Variants in CRACDL observed in about 807,000 individuals in gnomAD.
CRACDL encodes CRACD-like protein.
In CRACDL, 26 loss-of-function variants were observed where a neutral mutation model predicts 70.6. That is an observed-to-expected ratio of 0.37 (90% CI 0.27 to 0.51). The LOEUF is 0.51. Among genes scored for constraint, CRACDL ranks in the 20% least tolerant of loss-of-function variants. The pLI, the probability that CRACDL is intolerant of heterozygous loss-of-function variation, is 0.94. For synonymous variants in CRACDL, 618 were observed against 615.2 expected (o/e 1.00, Z -0.07); for missense variants, 1,283 against 1,376.9 (o/e 0.93, Z 1.08).
chr2:98,834,324 C>A (rs1705676741), intron 3 of CRACDL, among the ~76,000 whole-genome samples: 1 of 152,234 alleles, frequency 6.6e-6, no homozygotes, highest in Admixed American at 6.5e-5. Context: ...ACACCTAGTG[C>A]CCCTCAGTAG....
intron 1 of CRACDL, among the ~76,000 whole-genome samples, chr2:98,930,868 G>C (rs1709055899): frequency 1.3e-5 from 2 of 152,190 alleles, no homozygotes; most frequent in Admixed American, 6.5e-5. Flanking sequence ...AAGACAATAA[G>C]AGAGTAATAC....
At chr2:98,817,535 G>C (rs1704833473) in intron 7 of CRACDL, among the ~76,000 whole-genome samples, 1 of 152,060 alleles carries the variant, frequency 6.6e-6, no homozygotes, top group Admixed American at 6.6e-5. Context: ...TCAGAAAATG[G>C]CTGTGACATA....
At position 98,908,759 on chromosome 2, in the gene CRACDL, C is replaced by T. The variant is rs1050883502; in HGVS notation, c.-11+27179G>A. Among the ~76,000 whole-genome samples the T allele has an allele frequency of 5.3e-5, 8 of 152,294 alleles. No individual in the cohort carries two copies. In the East Asian group the frequency reaches 1.3e-3, roughly 26 times the overall value. On this transcript the variant is annotated intron_variant, in intron 1 of 9. Coordinates refer to ENST00000397899, the MANE Select transcript of CRACDL (RefSeq NM_207362.3). ...GGTGTTGCCTCCATCAGTGGTGCAACGACATTCAGAGTCTACCGAAGGCTG... is the reference window on the plus strand; with the variant it reads ...GGTGTTGCCTCCATCAGTGGTGCAATGACATTCAGAGTCTACCGAAGGCTG...
chr2:98,823,495 C>G lies in CRACDL; in HGVS notation c.778G>C (p.Glu260Gln). ...ESLSDLTCTPEEEENEEKPLL... is the reference protein window; with the variant it reads ...ESLSDLTCTPQEEENEEKPLL... ...GGCTTCTCCTCGTTTTCCTCCTCCT[C>G]TGGGGTGCACGTCAGGTCGCTCAGG... The change falls in exon 7 of 10, where the codon GAG (glutamate) becomes CAG (glutamine). Residue 260 changes from glutamate to glutamine, a missense_variant. By Grantham distance (29) the Glu-to-Gln change is conservative. Transcript: ENST00000397899. The surrounding 1 kb of genome is among the most constrained non-coding windows in gnomAD (Gnocchi z 4.0). 6.3e-7 allele frequency: 1 copy of G among 1,594,068 alleles called. No individual in the cohort carries two copies. Among genetic ancestry groups the G allele is most frequent in the Non-Finnish European group, 8.5e-7 (1 of 1,177,782 alleles).
intron 1 of CRACDL, among the ~76,000 whole-genome samples, chr2:98,873,624 G>A (rs1707407657): frequency 6.6e-6 from 1 of 152,222 alleles, no homozygotes; most frequent in African/African-American, 2.4e-5. Context: ...GCCCCTCTAA[G>A]AGGAACCCTC....
At chr2:98,871,467 G>A (rs530755991) in intron 1 of CRACDL, among the ~76,000 whole-genome samples, 2 of 152,286 alleles carry the variant, frequency 1.3e-5, no homozygotes, top group South Asian at 4.1e-4. Context: ...GATGACTGAG[G>A]CAGTCAGTGG....
At chr2:98,829,180 G>A (rs1018516743) in intron 5 of CRACDL, among the ~76,000 whole-genome samples, 2 of 152,248 alleles carry the variant, frequency 1.3e-5, no homozygotes, top group East Asian at 3.9e-4. Context: ...AGGCTCTGAA[G>A]GATGCACAGC....
Position 98,796,282 on chromosome 2 carries a change from A to T in CRACDL, c.2605-18T>A. The stretch of plus-strand genomic sequence containing the variant: ...ACAGGCTCCTGTTGGGACATAAGAC[A>T]CATGCTGCCAAGTTAACAATGATTC... On this transcript the variant is annotated intron_variant, in intron 8 of 9. Coordinates refer to ENST00000397899, the MANE Select transcript of CRACDL (RefSeq NM_207362.3). 6.2e-7 allele frequency: 1 copy of T among 1,607,976 alleles called. No homozygotes were observed. Among genetic ancestry groups the T allele is most frequent in the Non-Finnish European group, 8.5e-7 (1 of 1,174,658 alleles).
At chr2:98,921,542 TC>T (rs752215476) in intron 1 of CRACDL, among the ~76,000 whole-genome samples, 2 of 152,224 alleles carry the variant, frequency 1.3e-5, no homozygotes, top group Non-Finnish European at 2.9e-5. Context: ...GTAAGTCTCA[TC>T]CCCGAGTGAC....
intron 7 of CRACDL, among the ~76,000 whole-genome samples, chr2:98,821,474 G>C (rs1359238025): frequency 1.3e-5 from 2 of 152,136 alleles, no homozygotes; most frequent in African/African-American, 4.8e-5. Context: ...TACCGAGGTC[G>C]GCCTATTCCT....
rs13429934 is a variant in CRACDL, at chr2:98,930,495, T to C, written c.-11+5443A>G. 3.9e-4 allele frequency among the ~76,000 whole-genome samples: 29 copies of C among 74,520 alleles called. 1 individual carries two copies. The highest frequency in any genetic ancestry group is 2.9e-3 in the East Asian group (4 of 1,364). The allele number at this position is 74,520 out of a possible 152,430, so 48.9% of individuals were successfully genotyped here. A position where few individuals can be genotyped will look rare whatever the true frequency, so the allele number is the denominator to read the frequency against. ...CCATCCCCGTCCCCACCCTCTGTCCTGTGTCCCCTACTCCATCCCCATCCC... is the reference window on the plus strand; with the variant it reads ...CCATCCCCGTCCCCACCCTCTGTCCCGTGTCCCCTACTCCATCCCCATCCC... On this transcript the variant is annotated intron_variant, in intron 1 of 9. Transcript: ENST00000397899.
In CRACDL at chr2:98,823,859, C is replaced by T. The variant is rs1357778947; in HGVS notation, c.736-322G>A. On this transcript the variant is annotated intron_variant, in intron 6 of 9. Coordinates refer to ENST00000397899, the MANE Select transcript of CRACDL (RefSeq NM_207362.3). This position sits in a 1 kb window ranked among gnomAD's most constrained non-coding sequence, Gnocchi z 4.0. ...CAGCCAGTGTCTGCTATGCTCTGTG[C>T]TCCCACACTTGTTATTTCATTTAAT... Among the ~76,000 whole-genome samples, 1 of 152,210 alleles carries T rather than the reference C, an allele frequency of 6.6e-6. No individual in the cohort carries two copies. The highest frequency in any genetic ancestry group is 1.5e-5 in the Non-Finnish European group (1 of 68,040).
chr2:98,797,594 C>T (rs547606478), intron 7 of CRACDL, 57 bp from the exon 8 acceptor site: 4 of 1,530,422 alleles, frequency 2.6e-6, no homozygotes, highest in African/African-American at 2.7e-5. Flanking sequence ...TCGGTTGCAC[C>T]CTTTGTGTCT....
chr2:98,872,178 G>A (rs763183475), intron 1 of CRACDL, among the ~76,000 whole-genome samples: 2 of 151,906 alleles, frequency 1.3e-5, no homozygotes, highest in Non-Finnish European at 2.9e-5. Flanking sequence ...GACCAGCCTG[G>A]CCAACACCGT....
chr2:98,913,333 G>A (rs1708587606), intron 1 of CRACDL, among the ~76,000 whole-genome samples: 1 of 152,158 alleles, frequency 6.6e-6, no homozygotes, highest in African/African-American at 2.4e-5. Flanking sequence ...ACCTCTGTCG[G>A]GGGGTGGGAA....
At chr2:98,871,816 T>C (rs1707355832) in intron 1 of CRACDL, among the ~76,000 whole-genome samples, 1 of 151,994 alleles carries the variant, frequency 6.6e-6, no homozygotes, top group South Asian at 2.1e-4. Flanking sequence ...TACAGGAAAA[T>C]ATTCAGTGAC....
intron 7 of CRACDL, among the ~76,000 whole-genome samples, chr2:98,803,104 A>G (rs1308072620): frequency 2.0e-5 from 3 of 147,314 alleles, no homozygotes; most frequent in African/African-American, 7.6e-5. Flanking sequence ...GGTTCAAGGG[A>G]TTCCCTTGCC....
chr2:98,893,693 G>A (rs1011343851), intron 1 of CRACDL, among the ~76,000 whole-genome samples: 1 of 152,128 alleles, frequency 6.6e-6, no homozygotes, highest in African/African-American at 2.4e-5. Flanking sequence ...TACTTCTATT[G>A]CTTCTGTAGT....
intron 1 of CRACDL, among the ~76,000 whole-genome samples, chr2:98,886,029 C>T (rs1470270487): frequency 6.6e-6 from 1 of 152,158 alleles, no homozygotes; most frequent in Non-Finnish European, 1.5e-5. Context: ...AATTAGTGAG[C>T]TCTACAGCAT....
Sources: gnomAD v4.1 joint callset for allele counts (sites outside exome capture counted in the v4.1 genomes callset) on GRCh38, gnomAD v4.1.1 for gene constraint, Gnocchi (gnomAD v3.1) non-coding constraint, MANE v1.5 for transcripts, NCBI Gene and HGNC (gene_info 2026-07-23, HGNC 2026-07-21) for gene names.